Variants in SPOCK3 observed in about 807,000 individuals in gnomAD.
The protein encoded by SPOCK3 is SPARC (osteonectin), cwcv and kazal like domains proteoglycan 3.
A neutral mutation model predicts 56.6 loss-of-function variants in SPOCK3; 30 were observed. That is an observed-to-expected ratio of 0.53 (90% CI 0.40 to 0.72). The LOEUF (loss-of-function observed/expected upper bound fraction) is 0.72. SPOCK3 is among the 30% of genes least tolerant of loss of function. The probability of loss-of-function intolerance (pLI) is 0.00; values close to 1 mark genes in which losing one functional copy is unlikely to be tolerated. For synonymous variants in SPOCK3, 196 were observed against 183.3 expected (o/e 1.07, Z -0.56); for missense variants, 527 against 530.0 (o/e 0.99, Z 0.06).
At chr4:167,234,913 A>C (rs550187275), upstream of SPOCK3, 1 of 152,378 alleles carries the variant, frequency 6.6e-6, no homozygotes, top group South Asian at 2.1e-4. Context: ...CACAATTTCC[A>C]GGGTTGTCAG....
intron 4 of SPOCK3, among the ~76,000 whole-genome samples, chr4:166,989,984 C>T (rs1275813741): frequency 6.6e-6 from 1 of 152,138 alleles, no homozygotes; most frequent in Non-Finnish European, 1.5e-5. Context: ...GAAGCAGTCA[C>T]ACCCATATCT....
intron 2 of SPOCK3, among the ~76,000 whole-genome samples, chr4:167,097,069 A>T (rs1485646197): frequency 6.6e-6 from 1 of 151,794 alleles, no homozygotes; most frequent in African/African-American, 2.4e-5. Flanking sequence ...AAATTAATAT[A>T]TAGTTACTCT....
rs185879749 is a variant in SPOCK3 at position 166,810,796 on chromosome 4, C to T, written c.590-18507G>A. Among the ~76,000 whole-genome samples the T allele has an allele frequency of 1.7e-3, 258 of 151,830 alleles. 1 individual carries two copies. The highest frequency in any genetic ancestry group is 3.0e-3 in the Non-Finnish European group (204 of 67,884). On this transcript the variant is annotated intron_variant, in intron 6 of 10. Transcript: ENST00000357545. ...TATTTTGTTACCAAATAACATTGAGCATATAAAATAAACTGGAGTGTGCCA... is the reference window on the plus strand; with the variant it reads ...TATTTTGTTACCAAATAACATTGAGTATATAAAATAAACTGGAGTGTGCCA...
intron 2 of SPOCK3, among the ~76,000 whole-genome samples, chr4:167,225,681 A>T: frequency 6.6e-6 from 1 of 152,146 alleles, no homozygotes; most frequent in East Asian, 1.9e-4. Context: ...TCTCCAAAAA[A>T]CAAAACCTGA....
chr4:167,154,220 G>GCACA (rs111292629), intron 2 of SPOCK3, among the ~76,000 whole-genome samples: 3 of 151,444 alleles, frequency 2.0e-5, no homozygotes, highest in African/African-American at 7.3e-5. Context: ...ATGCACGCGT[G>GCACA]CACACACACA....
intron 5 of SPOCK3, among the ~76,000 whole-genome samples, chr4:166,891,358 G>A (rs959841373): frequency 4.6e-5 from 7 of 151,920 alleles, no homozygotes; most frequent in East Asian, 1.9e-4. Context: ...AAGAAGCACC[G>A]AATGCACCCA....
chr4:166,842,622 A>T (rs930477260), intron 6 of SPOCK3, among the ~76,000 whole-genome samples: 1 of 152,138 alleles, frequency 6.6e-6, no homozygotes, highest in Admixed American at 6.5e-5. Flanking sequence ...AGGTTTTCCA[A>T]GTCCCCACCA....
chr4:167,196,321 G>T (rs571043118), intron 2 of SPOCK3, among the ~76,000 whole-genome samples: 2 of 151,992 alleles, frequency 1.3e-5, no homozygotes, highest in Non-Finnish European at 2.9e-5. Flanking sequence ...ACATTAACAC[G>T]TTTGTTGTAT....
At chr4:166,790,942 G>C (rs1741277544) in intron 7 of SPOCK3, among the ~76,000 whole-genome samples, 1 of 152,066 alleles carries the variant, frequency 6.6e-6, no homozygotes, top group South Asian at 2.1e-4. Flanking sequence ...TAAATACAGA[G>C]GCAAATATAC....
intron 6 of SPOCK3, among the ~76,000 whole-genome samples, chr4:166,859,489 G>C (rs1365257381): frequency 6.6e-6 from 1 of 151,970 alleles, no homozygotes; most frequent in Non-Finnish European, 1.5e-5. Flanking sequence ...AAACAAACTG[G>C]TCTTGGATAT....
intron 6 of SPOCK3, among the ~76,000 whole-genome samples, chr4:166,805,718 A>G (rs2126705910): frequency 6.6e-6 from 1 of 152,210 alleles, no homozygotes; most frequent in East Asian, 1.9e-4. Context: ...ACTGTGGGGT[A>G]AAAAATGAAG....
At chr4:166,838,525 C>T (rs768062135) in intron 6 of SPOCK3, among the ~76,000 whole-genome samples, 1 of 150,932 alleles carries the variant, frequency 6.6e-6, no homozygotes, top group Non-Finnish European at 1.5e-5. Context: ...CCAGAATTTC[C>T]GTTGGTTATT....
chr4:167,090,770 T>C (rs766093737), intron 2 of SPOCK3, among the ~76,000 whole-genome samples: 1 of 152,188 alleles, frequency 6.6e-6, no homozygotes, highest in Non-Finnish European at 1.5e-5. Context: ...CCCAAAGTGC[T>C]GGGATTACAG....
At chr4:167,119,143 A>AG (rs67854676) in intron 2 of SPOCK3, among the ~76,000 whole-genome samples, 19 of 123,884 alleles carry the variant, frequency 1.5e-4, no homozygotes, top group African/African-American at 5.3e-4. Context: ...GGGGTGGGGG[A>AG]GGGGGGGGAA....
chr4:167,119,922 A>C lies in SPOCK3; in HGVS notation c.190-57385T>G, dbSNP rs527887228. 8.2e-5 allele frequency: 108 copies of C among 1,318,526 alleles called. No homozygotes were observed. The Middle Eastern group carries it at 1.3e-3, about 16-fold the overall frequency. 81.7% of individuals were successfully genotyped at this position (1,318,526 alleles called of 1,614,324 possible). A position where few individuals can be genotyped will look rare whatever the true frequency, so the allele number is the denominator to read the frequency against. On this transcript the variant is annotated intron_variant, in intron 2 of 10. Coordinates refer to ENST00000357545, the MANE Select transcript of SPOCK3 (RefSeq NM_001040159.2). ...CAAAAAAGAAAAAAGGAAAGAAAGA[A>C]AGAAAAGAATAAACCCCTTTCTGAT...
chr4:167,199,397 C>T (rs1022240824), intron 2 of SPOCK3, among the ~76,000 whole-genome samples: 4 of 151,850 alleles, frequency 2.6e-5, no homozygotes, highest in African/African-American at 4.8e-5. Context: ...GCTGCCTAAC[C>T]CAAAGGTACA....
chr4:166,915,516 T>C (rs145765256), intron 4 of SPOCK3, among the ~76,000 whole-genome samples: 11 of 152,266 alleles, frequency 7.2e-5, no homozygotes, highest in African/African-American at 2.6e-4. Context: ...TAAACATATA[T>C]AAATTATATA....
intron 9 of SPOCK3, among the ~76,000 whole-genome samples, chr4:166,738,468 CTTTT>C (rs1039378098): frequency 1.2e-4 from 18 of 147,610 alleles, no homozygotes; most frequent in African/African-American, 4.2e-4. Context: ...GTTTTTTTTT[CTTTT>C]TTTATTATTA....
intron 5 of SPOCK3, among the ~76,000 whole-genome samples, chr4:166,892,274 T>A (rs772657991): frequency 9.2e-5 from 14 of 151,942 alleles, no homozygotes; most frequent in Non-Finnish European, 1.8e-4. Context: ...AATTATAGCT[T>A]TGCAAAAGTT....
Sources: gnomAD v4.1 joint callset for allele counts (sites outside exome capture counted in the v4.1 genomes callset) on GRCh38, gnomAD v4.1.1 for gene constraint, MANE v1.5 for transcripts, NCBI Gene and HGNC (gene_info 2026-07-23, HGNC 2026-07-21) for gene names.